The following IL13RA1 variants were observed in gnomAD, a reference collection of about 807,000 sequenced individuals.
IL13RA1 encodes interleukin 13 receptor subunit alpha 1.
In IL13RA1, 14 loss-of-function variants were observed where a neutral mutation model predicts 33.8. That is an observed-to-expected ratio of 0.41 (90% CI 0.27 to 0.65). The LOEUF (loss-of-function observed/expected upper bound fraction) is 0.65, where lower values mean the gene tolerates loss of function less well. Ranked by LOEUF, IL13RA1 falls within the 30% of genes least tolerant of loss-of-function variation. IL13RA1 has a pLI of 0.28. For missense variants in IL13RA1, 313 were observed against 327.0 expected (o/e 0.96, Z 0.33); for synonymous variants, 116 against 115.7 (o/e 1.00, Z -0.02).
the IL13RA1 span, among the ~76,000 whole-genome samples, chrX:118,803,493 T>TA: frequency 8.9e-6 from 1 of 112,446 alleles, no homozygotes; most frequent in Admixed American, 9.4e-5. Context: ...CTTTTTGTTT[T>TA]AAAAAACTGC....
downstream of IL13RA1, among the ~76,000 whole-genome samples, chrX:118,798,969 C>T (rs1213918639): frequency 1.8e-5 from 2 of 112,238 alleles, no homozygotes; most frequent in Non-Finnish European, 3.8e-5. Flanking sequence ...GAGGCACGAG[C>T]GGGAACCGGG....
intron 10 of IL13RA1, among the ~76,000 whole-genome samples, chrX:118,785,380 C>CCGCT (rs1241927594): frequency 9.0e-6 from 1 of 111,261 alleles, no homozygotes; most frequent in Non-Finnish European, 1.9e-5. Flanking sequence ...TAGGTGTGAG[C>CCGCT]CGCTGCACCC....
At chrX:118,755,904 A>G (rs148873791) in intron 4 of IL13RA1, among the ~76,000 whole-genome samples, 172 of 112,336 alleles carry the variant, frequency 1.5e-3, no homozygotes, top group African/African-American at 5.0e-3. Context: ...GGGCGCTGCA[A>G]CTAGGGGGAA....
chrX:118,745,577 T>C (rs758858879), intron 2 of IL13RA1, among the ~76,000 whole-genome samples: 7 of 112,181 alleles, frequency 6.2e-5, no homozygotes, highest in Non-Finnish European at 1.3e-4. Context: ...GCCATCCATA[T>C]GTCCTGGTTT....
intron 10 of IL13RA1, among the ~76,000 whole-genome samples, chrX:118,788,732 G>A (rs2017946461): frequency 9.0e-6 from 1 of 111,640 alleles, no homozygotes; most frequent in African/African-American, 3.3e-5. Flanking sequence ...AAATTTCATT[G>A]TATAGGCATC....
chrX:118,741,435 T>C (rs767318209), intron 2 of IL13RA1, among the ~76,000 whole-genome samples: 1 of 112,454 alleles, frequency 8.9e-6, no homozygotes, highest in Non-Finnish European at 1.9e-5. Context: ...ATGTTATTGT[T>C]AAAATTTGTT....
At chrX:118,787,116 T>G (rs1170492644) in intron 10 of IL13RA1, among the ~76,000 whole-genome samples, 2 of 111,877 alleles carry the variant, frequency 1.8e-5, no homozygotes, top group East Asian at 5.6e-4. Flanking sequence ...TGTTGGTAGA[T>G]TTTGGATTTA....
At chrX:118,747,813 C>CT (rs1175121497) in intron 3 of IL13RA1, among the ~76,000 whole-genome samples, 1 of 110,361 alleles carries the variant, frequency 9.1e-6, no homozygotes, top group African/African-American at 3.3e-5. Flanking sequence ...AACCAACTGT[C>CT]TAACTTTAAA....
intron 1 of IL13RA1, among the ~76,000 whole-genome samples, chrX:118,738,478 G>A (rs1196701196): frequency 1.8e-5 from 2 of 111,716 alleles, no homozygotes; most frequent in Non-Finnish European, 3.8e-5. Context: ...GCGGTATTTG[G>A]TTTTCTATTC....
rs187523660 is a variant in IL13RA1 at position 118,728,218 on chromosome X, A to G, written c.88+492A>G. Among the ~76,000 whole-genome samples, 336 of 112,345 alleles carry G rather than the reference A, an allele frequency of 3.0e-3. 2 individuals carry two copies. The highest frequency in any genetic ancestry group is 4.7e-3 in the Admixed American group (51 of 10,738). ...GGGCTCTTTGCCCGAGGCCGCGCCA[A>G]TCCTCACTGTCTAAGGGTGGCTCTT... On this transcript the variant is annotated intron_variant, in intron 1 of 10. Coordinates refer to ENST00000371666, the MANE Select transcript of IL13RA1 (RefSeq NM_001560.3).
At chrX:118,796,696 C>T (rs1442107495), downstream of IL13RA1, among the ~76,000 whole-genome samples, 3 of 111,333 alleles carry the variant, frequency 2.7e-5, no homozygotes, top group Admixed American at 9.5e-5. Flanking sequence ...CCACCACGCC[C>T]GGCTAATGTT....
At chrX:118,758,371 G>A in intron 5 of IL13RA1, 129 bp downstream of exon 5, 2 of 360,257 alleles carry the variant, frequency 5.6e-6, no homozygotes, top group East Asian at 3.9e-5. Context: ...CTATATTGAT[G>A]TATAACTTTC....
Position 118,793,364 on chromosome X carries a change from C to G in IL13RA1, c.*1510C>G, listed in dbSNP as rs1044105134. 1.8e-5 allele frequency: 2 copies of G among 112,278 alleles called. No individual in the cohort carries two copies. The highest frequency in any genetic ancestry group is 6.5e-5 in the African/African-American group (2 of 30,825). 9.3% of individuals were successfully genotyped at this position (112,278 alleles called of 1,213,427 possible). On this transcript the variant is annotated 3_prime_UTR_variant, in exon 11 of 11. Transcript: ENST00000371666. ...CTTGAGAAAAAAAGAATAGTTGAACCTATTTCTCTTTCTTTACAAGATGGG... is the reference window on the plus strand; with the variant it reads ...CTTGAGAAAAAAAGAATAGTTGAACGTATTTCTCTTTCTTTACAAGATGGG...
chrX:118,762,327 C>T (rs186834885), intron 6 of IL13RA1, among the ~76,000 whole-genome samples: 54 of 112,326 alleles, frequency 4.8e-4, no homozygotes, highest in African/African-American at 1.6e-3. Flanking sequence ...TAAGATGGCG[C>T]CTTAAGACCA....
intron 4 of IL13RA1, among the ~76,000 whole-genome samples, chrX:118,754,765 C>T (rs1268799115): frequency 9.1e-6 from 1 of 110,309 alleles, no homozygotes; most frequent in Non-Finnish European, 1.9e-5. Flanking sequence ...CTCCTTCTTT[C>T]TTGCTCTCCT....
At chrX:118,791,043 C>T (rs2017969621) in intron 10 of IL13RA1, among the ~76,000 whole-genome samples, 1 of 111,671 alleles carries the variant, frequency 9.0e-6, no homozygotes, top group South Asian at 3.7e-4. Context: ...GACCTGTGGA[C>T]CATAGTTTGC....
intron 2 of IL13RA1, among the ~76,000 whole-genome samples, chrX:118,746,632 T>C (rs1193298991): frequency 1.8e-5 from 2 of 110,989 alleles, no homozygotes; most frequent in African/African-American, 6.6e-5. Flanking sequence ...ATGGTGACAC[T>C]AGTGACATTT....
At position 118,736,035 on chromosome X, in the gene IL13RA1, T is replaced by C. The variant is rs981776476; in HGVS notation, c.89-4982T>C. 1.7e-4 allele frequency among the ~76,000 whole-genome samples: 19 copies of C among 111,932 alleles called. 1 individual carries two copies. The Admixed American group carries it at 1.7e-3, about 10-fold the overall frequency. ...TTTCAAGTTTATTGATTCTTTCTTCTGCCTGCTCAAATCTACCTTTGATTC... is the reference window on the plus strand; with the variant it reads ...TTTCAAGTTTATTGATTCTTTCTTCCGCCTGCTCAAATCTACCTTTGATTC... On this transcript the variant is annotated intron_variant, in intron 1 of 10. Transcript: ENST00000371666.
At chrX:118,740,652 G>A (rs976826748) in intron 1 of IL13RA1, among the ~76,000 whole-genome samples, 3 of 111,948 alleles carry the variant, frequency 2.7e-5, no homozygotes, top group African/African-American at 9.8e-5. Flanking sequence ...AATTAGCCAG[G>A]CGTGGTGGCA....
Sources: gnomAD v4.1 joint callset for allele counts (sites outside exome capture counted in the v4.1 genomes callset) on GRCh38, gnomAD v4.1.1 for gene constraint, MANE v1.5 for transcripts, NCBI Gene and HGNC (gene_info 2026-07-23, HGNC 2026-07-21) for gene names.